The following MAP4 variants were observed in gnomAD, a reference collection of about 807,000 sequenced individuals.
MAP4 encodes microtubule associated protein 4.
MAP4 carries 76 observed loss-of-function variants against 170.2 expected under a neutral mutation model. That is an observed-to-expected ratio of 0.45 (90% CI 0.37 to 0.54). MAP4 has a LOEUF of 0.54. Among genes scored for constraint, MAP4 ranks in the 20% least tolerant of loss-of-function variants. The pLI is 0.00. For missense variants in MAP4, 2,506 were observed against 2,748.0 expected (o/e 0.91, Z 1.97); for synonymous variants, 909 against 994.5 (o/e 0.91, Z 1.62).
rs756153345 is a variant in MAP4 at position 48,074,725 on chromosome 3, T to TGTGTGTGTGTGTGA, written c.-20+14047_-20+14048insTCACACACACACAC. Among the ~76,000 whole-genome samples the TGTGTGTGTGTGTGA allele has an allele frequency of 3.1e-3, 457 of 147,334 alleles. 12 individuals are homozygous for TGTGTGTGTGTGTGA. Among genetic ancestry groups the TGTGTGTGTGTGTGA allele is most frequent in the African/African-American group, 8.9e-3 (351 of 39,280 alleles). On this transcript the variant is annotated intron_variant, in intron 1 of 18. Coordinates refer to the MAP4 transcript ENST00000360240. ...GTGTGTGTGTGTGTGTGTGTGTGTG[T>TGTGTGTGTGTGTGA]GATATGTCGGCCAGACTGGTCTCGA...
At chr3:48,035,610 AGAGT>A (rs972089294) in intron 1 of MAP4, among the ~76,000 whole-genome samples, 10 of 152,130 alleles carry the variant, frequency 6.6e-5, no homozygotes, top group African/African-American at 2.2e-4. Context: ...CTCACTCAAC[AGAGT>A]GAGATCCTGT....
chr3:47,875,826 C>T lies in MAP4; in HGVS notation c.5616G>A (p.Gln1872=), dbSNP rs939008981. ...ACCCACCAATGGTGGTGGGAGCTGG[C>T]TGCTTAGGGAGAGAAGTGGGCTGTG... ...AKTQPTSLPK[Q]PAPTTIGGLN... is the part of the protein sequence containing the mutation. The change falls in exon 12 of 21, where the codon CAG becomes CAA. Residue 1872 remains glutamine, a synonymous_variant. Transcript: ENST00000683076. 6.2e-7 allele frequency: 1 copy of T among 1,613,898 alleles called. No individual in the cohort carries two copies.
intron 10 of MAP4, among the ~76,000 whole-genome samples, chr3:47,902,551 A>G (rs527928882): frequency 6.6e-5 from 10 of 151,432 alleles, no homozygotes; most frequent in Non-Finnish European, 1.5e-4. Context: ...ACACATGCCT[A>G]TAATCCCAAC....
intron 3 of MAP4, among the ~76,000 whole-genome samples, chr3:47,970,871 A>G (rs1454677836): frequency 6.6e-6 from 1 of 152,230 alleles, no homozygotes; most frequent in Non-Finnish European, 1.5e-5. Flanking sequence ...TTAAAGCTCA[A>G]GAAGAAGCTA....
intron 16 of MAP4, among the ~76,000 whole-genome samples, chr3:47,868,525 G>A (rs138641215): frequency 6.9e-4 from 105 of 152,240 alleles, no homozygotes; most frequent in Non-Finnish European, 8.8e-4. Flanking sequence ...GCTGGAGTGC[G>A]GGCTTCTCTG....
At chr3:47,940,466 C>G (rs2065445536) in intron 3 of MAP4, among the ~76,000 whole-genome samples, 1 of 152,236 alleles carries the variant, frequency 6.6e-6, no homozygotes, top group Admixed American at 6.5e-5. Context: ...AAACAAGAAG[C>G]AATTTACATA....
intron 3 of MAP4, among the ~76,000 whole-genome samples, chr3:47,929,546 G>T (rs1173693870): frequency 1.5e-5 from 2 of 136,414 alleles, no homozygotes. Flanking sequence ...GAAACAATTG[G>T]ACACTGACCA....
intron 1 of MAP4, among the ~76,000 whole-genome samples, chr3:48,006,889 T>C (rs1046317788): frequency 6.6e-6 from 1 of 152,214 alleles, no homozygotes; most frequent in Non-Finnish European, 1.5e-5. Context: ...AATTAACACA[T>C]CTCCTGGTAC....
chr3:47,934,134 G>T (rs1189629209), intron 3 of MAP4, among the ~76,000 whole-genome samples: 1 of 152,200 alleles, frequency 6.6e-6, no homozygotes, highest in Non-Finnish European at 1.5e-5. Context: ...ACTGGGTAAA[G>T]AGAGGGACAG....
At chr3:47,876,172 C>T (rs1459873118) in intron 11 of MAP4, among the ~76,000 whole-genome samples, 9 of 142,416 alleles carry the variant, frequency 6.3e-5, no homozygotes, top group African/African-American at 2.3e-4. Context: ...CTCTCTCTGT[C>T]GCCCAGGCTG....
At chr3:48,056,997 C>T (rs2100132391) in intron 1 of MAP4, among the ~76,000 whole-genome samples, 1 of 131,538 alleles carries the variant, frequency 7.6e-6, no homozygotes, top group Non-Finnish European at 1.7e-5. Flanking sequence ...GGGGGTCAGC[C>T]CCCCTGCCCG....
At chr3:47,984,473 C>T (rs942743564) in intron 2 of MAP4, among the ~76,000 whole-genome samples, 3 of 152,128 alleles carry the variant, frequency 2.0e-5, no homozygotes, top group African/African-American at 7.2e-5. Context: ...ATACAGGATA[C>T]ATACATAGCC....
intron 10 of MAP4, among the ~76,000 whole-genome samples, chr3:47,896,104 G>T (rs942138698): frequency 2.0e-5 from 3 of 152,182 alleles, no homozygotes; most frequent in African/African-American, 7.2e-5. Context: ...GATAAGTTTG[G>T]TGGTCACCCA....
rs2042327581 is a variant in MAP4, at chr3:47,851,594, T to G, written c.*1340A>C. On this transcript the variant is annotated 3_prime_UTR_variant, in exon 21 of 21. Transcript: ENST00000683076. ...TCCTTTATTAGAAACCATGCAAACT[T>G]TAATACAAAAAATACAAGTGCAATA... 6.6e-6 allele frequency: 1 copy of G among 152,136 alleles called. No homozygotes were observed. Among genetic ancestry groups the G allele is most frequent in the Non-Finnish European group, 1.5e-5 (1 of 68,024 alleles). 9.4% of individuals were successfully genotyped at this position (152,136 alleles called of 1,614,324 possible).
chr3:47,988,325 G>T (rs1302466895), intron 2 of MAP4, among the ~76,000 whole-genome samples: 1 of 151,866 alleles, frequency 6.6e-6, no homozygotes, highest in Non-Finnish European at 1.5e-5. Context: ...TGAAAGAAAA[G>T]AACTGATGAT....
At chr3:47,997,600 A>C (rs1296484295) in intron 2 of MAP4, among the ~76,000 whole-genome samples, 1 of 151,884 alleles carries the variant, frequency 6.6e-6, no homozygotes, top group African/African-American at 2.4e-5. Flanking sequence ...GAAAGGAAAA[A>C]ACAAAGATAT....
intron 1 of MAP4, among the ~76,000 whole-genome samples, chr3:48,044,788 A>C (rs1227211183): frequency 6.6e-6 from 1 of 151,964 alleles, no homozygotes; most frequent in Non-Finnish European, 1.5e-5. Flanking sequence ...AATTTAAAAA[A>C]TAAAATAAAT....
In MAP4 at chr3:47,904,373, T is replaced by C. The variant is rs570494489; in HGVS notation, c.5384-1373A>G. Among the ~76,000 whole-genome samples, 16 of 152,180 alleles carry C rather than the reference T, an allele frequency of 1.1e-4. No individual in the cohort carries two copies. The South Asian group carries it at 3.1e-3, about 30-fold the overall frequency. ...CTCTGTCTCCCAGGCTGGAGTGCAG[T>C]GGTGCGATCTTGGCTCACTGCAACC... On this transcript the variant is annotated intron_variant, in intron 9 of 20. Transcript: ENST00000683076.
In MAP4 at chr3:47,876,132, C is replaced by CTTTTT. The variant is rs756229459; in HGVS notation, c.5542-233_5542-232insAAAAA. 1.0e-4 allele frequency among the ~76,000 whole-genome samples: 14 copies of CTTTTT among 140,556 alleles called. 1 individual carries two copies. The highest frequency in any genetic ancestry group is 1.2e-4 in the Non-Finnish European group (8 of 64,562). 92.2% of individuals were successfully genotyped at this position (140,556 alleles called of 152,430 possible). On this transcript the variant is annotated intron_variant, in intron 11 of 20. Coordinates refer to ENST00000683076, the MANE Select transcript of MAP4 (RefSeq NM_001385682.1). The stretch of plus-strand genomic sequence containing the variant: ...TGGGGAATAGTTTCTTTTTCTTTTT[C>CTTTTT]TTTCTTTTTTTTTTTTTTTGAGATG...
Sources: allele counts gnomAD v4.1 joint callset (sites outside exome capture counted in the v4.1 genomes callset), GRCh38; gene constraint gnomAD v4.1.1; transcripts MANE v1.5; gene names NCBI Gene and HGNC (gene_info 2026-07-23, HGNC 2026-07-21).